SSC4D: variants seen among roughly 807,000 people sequenced by gnomAD.
SSC4D encodes the protein scavenger receptor cysteine-rich domain-containing group B protein.
SSC4D carries 57 observed loss-of-function variants against 63.4 expected under a neutral mutation model. That is an observed-to-expected ratio of 0.90 (90% confidence interval 0.73 to 1.12). SSC4D has a LOEUF of 1.12. SSC4D is among the 50% of genes most tolerant of loss of function. The pLI, the probability that SSC4D is intolerant of heterozygous loss-of-function variation, is 0.00. For synonymous variants in SSC4D, 352 were observed against 345.4 expected (o/e 1.02, Z -0.21); for missense variants, 791 against 806.4 (o/e 0.98, Z 0.23).
chr7:76,403,721 G>A (rs2115797438), intron 2 of SSC4D, among the ~76,000 whole-genome samples: 1 of 151,736 alleles, frequency 6.6e-6, no homozygotes, highest in East Asian at 1.9e-4. Context: ...GAGTGCAGTG[G>A]CGTGATCTTG....
At chr7:76,398,879 G>A in intron 4 of SSC4D, 82 bp from the exon 5 acceptor site, 1 of 1,430,630 alleles carries the variant, frequency 7.0e-7, no homozygotes, top group Non-Finnish European at 9.7e-7. Flanking sequence ...CAGGAGGATG[G>A]ACCCATAAGG....
intron 10 of SSC4D, 119 bp from the exon 11 acceptor site, chr7:76,390,494 T>C (rs1804473168): frequency 1.1e-6 from 1 of 891,296 alleles, no homozygotes; most frequent in African/African-American, 1.7e-5. Flanking sequence ...TAGGAGCCGC[T>C]AGATGAAGGC....
In SSC4D at chr7:76,390,089, C is replaced by T; in HGVS notation, c.1698G>A (p.Glu566=). Residue 566 remains glutamate (E), a synonymous_variant, in exon 11 of 11, where the codon GAG becomes GAA. Transcript: ENST00000275560. ...RWDAHNCDHS[E]DASVLCQPS is the part of the protein sequence containing the mutation. ...AAGGCTGGCACAGGACACTGGCATC[C>T]TCGCTGTGGTCACAGTTGTGGGCAT... The T allele has an allele frequency of 6.2e-7, 1 of 1,614,228 alleles. No homozygotes were observed. The highest frequency in any genetic ancestry group is 1.3e-5 in the African/African-American group (1 of 75,074).
Position 76,397,554 on chromosome 7 carries a change from A to G in SSC4D, c.832T>C (p.Cys278Arg). Residue 278 changes from cysteine (C) to arginine (R), a missense_variant, in exon 6 of 11, where the codon TGC (cysteine) becomes CGC (arginine). By Grantham distance (180) the Cys-to-Arg change is radical. Coordinates refer to ENST00000275560, the MANE Select transcript of SSC4D (RefSeq NM_080744.2). ...CQSLGWGVHN[C>R]GHHEDAGALC... ...GCGCCCGCGTCCTCGTGGTGGCCGCAGTTGTGCACACCCCAGCCCAGGCTC... is the reference window on the plus strand; with the variant it reads ...GCGCCCGCGTCCTCGTGGTGGCCGCGGTTGTGCACACCCCAGCCCAGGCTC... 6.3e-7 allele frequency: 1 copy of G among 1,599,536 alleles called. No homozygotes were observed. The highest frequency in any genetic ancestry group is 8.5e-7 in the Non-Finnish European group (1 of 1,173,574).
chr7:76,401,113 C>A, intron 2 of SSC4D, 70 bp from the exon 3 acceptor site: 2 of 1,472,066 alleles, frequency 1.4e-6, no homozygotes, highest in African/African-American at 2.9e-5. Flanking sequence ...AGGAACACAC[C>A]CCCCAACTCC....
intron 2 of SSC4D, among the ~76,000 whole-genome samples, chr7:76,403,418 A>T (rs1584030482): frequency 6.6e-6 from 1 of 150,554 alleles, no homozygotes; most frequent in African/African-American, 2.4e-5. Flanking sequence ...GCTCACTGCA[A>T]CCTCCACCTC....
chr7:76,392,121 C>G (rs773756072), intron 9 of SSC4D, 80 bp from the exon 10 acceptor site: 11 of 1,421,272 alleles, frequency 7.7e-6, no homozygotes, highest in Middle Eastern at 4.0e-4. Context: ...CCCTCCTGCT[C>G]TCCCCAGGAA....
intron 6 of SSC4D, 57 bp from the exon 7 acceptor site, chr7:76,395,387 C>T: frequency 6.4e-7 from 1 of 1,562,656 alleles, no homozygotes; most frequent in Non-Finnish European, 8.8e-7. Context: ...CTCTGGTCAG[C>T]CATGGGCTGT....
Position 76,390,282 on chromosome 7 carries a change from C to G in SSC4D, c.1505G>C (p.Trp502Ser). The change falls in exon 11 of 11, where the codon TGG (tryptophan) becomes TCG (serine). Residue 502 changes from tryptophan (W) to serine (S), a missense_variant. Trp to Ser is a radical substitution (Grantham distance 177). Transcript: ENST00000275560. ...QRWGTVCDDAWDLRAAGVLCR... is the reference protein window; with the variant it reads ...QRWGTVCDDASDLRAAGVLCR... ...CAGGACACCGGCTGCCCGCAGGTCC[C>G]AAGCATCATCACAGACAGTGCCCCA... The G allele has an allele frequency of 6.2e-7, 1 of 1,614,012 alleles. No individual in the cohort carries two copies. Among genetic ancestry groups the G allele is most frequent in the Non-Finnish European group, 8.5e-7 (1 of 1,179,958 alleles).
intron 6 of SSC4D, among the ~76,000 whole-genome samples, chr7:76,396,757 T>G (rs970029483): frequency 2.0e-5 from 3 of 152,200 alleles, no homozygotes; most frequent in African/African-American, 7.2e-5. Flanking sequence ...ACTTTATCTC[T>G]TACAGAGCAG....
intron 1 of SSC4D, among the ~76,000 whole-genome samples, chr7:76,407,535 C>T (rs577684321): frequency 2.0e-5 from 3 of 151,900 alleles, no homozygotes; most frequent in Non-Finnish European, 2.9e-5. Context: ...ATTTCAAGAC[C>T]GGCCTAGGCA....
intron 7 of SSC4D, among the ~76,000 whole-genome samples, chr7:76,394,796 A>G (rs1480500870): frequency 7.0e-6 from 1 of 143,112 alleles, no homozygotes; most frequent in Non-Finnish European, 1.5e-5. Flanking sequence ...TATGATATAT[A>G]TAAATATATA....
intron 9 of SSC4D, among the ~76,000 whole-genome samples, chr7:76,393,170 C>T (rs1218548602): frequency 6.6e-6 from 1 of 152,102 alleles, no homozygotes; most frequent in Non-Finnish European, 1.5e-5. Context: ...AGCTGCACCA[C>T]GCGGCGCTCA....
intron 6 of SSC4D, among the ~76,000 whole-genome samples, chr7:76,397,117 C>T (rs960183713): frequency 6.6e-6 from 1 of 152,100 alleles, no homozygotes; most frequent in African/African-American, 2.4e-5. Context: ...GAGTCTGTCT[C>T]TGTCACCCTG....
chr7:76,405,972 TC>T (rs200427552), intron 1 of SSC4D, among the ~76,000 whole-genome samples: 4 of 136,566 alleles, frequency 2.9e-5, no homozygotes, highest in South Asian at 2.2e-4. Context: ...CTTCTTCCTT[TC>T]CTTTCCTTTC....
intron 1 of SSC4D, among the ~76,000 whole-genome samples, chr7:76,407,408 T>C (rs1439569295): frequency 6.7e-6 from 1 of 149,922 alleles, no homozygotes; most frequent in African/African-American, 2.4e-5. Flanking sequence ...CTCGGCTCAC[T>C]GCACCCTCCA....
At position 76,390,383 on chromosome 7, in the gene SSC4D, G is replaced by A; in HGVS notation, c.1412-8C>T. 6.4e-7 allele frequency: 1 copy of A among 1,569,062 alleles called. No individual in the cohort carries two copies. The highest frequency in any genetic ancestry group is 1.2e-5 in the South Asian group (1 of 84,028). On this transcript the variant is annotated splice_polypyrimidine_tract_variant and splice_region_variant and intron_variant, in intron 10 of 10. Coordinates refer to ENST00000275560, the MANE Select transcript of SSC4D (RefSeq NM_080744.2). ...TGACCAGACGTAGATGCCCTGTGGG[G>A]GGACAGGGCTGGGTTGGAAGGGGCT...
rs1804555643 is a variant in SSC4D, at chr7:76,393,648, C to A, written c.1090G>T (p.Gly364Cys). Reference protein sequence around the residue: ...RGRVEVLHAGGWGTVCDDDWD... With the variant: ...RGRVEVLHAGCWGTVCDDDWD... ...TCATCGTCGCACACGGTGCCCCAGC[C>A]CCCGGCGTGCAACACCTCCACGCGG... The change falls in exon 9 of 11, where the codon GGC (glycine) becomes TGC (cysteine). Residue 364 changes from glycine (G) to cysteine (C), a missense_variant. Coordinates refer to ENST00000275560, the MANE Select transcript of SSC4D (RefSeq NM_080744.2). The A allele has an allele frequency of 6.8e-7, 1 of 1,480,096 alleles. No homozygotes were observed. The highest frequency in any genetic ancestry group is 8.9e-7 in the Non-Finnish European group (1 of 1,121,112). The allele number at this position is 1,480,096 out of a possible 1,614,324, so 91.7% of individuals were successfully genotyped here.
At chr7:76,405,299 A>C (rs867947410) in intron 1 of SSC4D, among the ~76,000 whole-genome samples, 10 of 47,996 alleles carry the variant, frequency 2.1e-4, no homozygotes, top group African/African-American at 1.0e-3. Context: ...ATATATATAT[A>C]TATATATATA....
Sources: allele counts gnomAD v4.1 joint callset (sites outside exome capture counted in the v4.1 genomes callset), GRCh38; gene constraint gnomAD v4.1.1; transcripts MANE v1.5; gene names NCBI Gene and HGNC (gene_info 2026-07-23, HGNC 2026-07-21).